The following TAFA5 variants were observed in gnomAD, a reference collection of about 807,000 sequenced individuals.
TAFA5 encodes the protein TAFA chemokine like family member 5.
TAFA5 carries 6 observed loss-of-function variants against 15.3 expected under a neutral mutation model. The ratio of observed to expected loss-of-function variants is 0.39; its 90% CI spans 0.21 to 0.77. The LOEUF is 0.77. Ranked by LOEUF, TAFA5 falls within the 30% of genes least tolerant of loss-of-function variation. The pLI is 0.41. For synonymous variants in TAFA5, 103 were observed against 80.7 expected, an observed-to-expected ratio of 1.28 and a Z score of -1.48; for missense variants, 161 against 193.1, an observed-to-expected ratio of 0.83 and a Z score of 0.98.
At chr22:48,647,957 G>A (rs1167426253) in intron 2 of TAFA5, among the ~76,000 whole-genome samples, 2 of 152,156 alleles carry the variant, frequency 1.3e-5, no homozygotes, top group African/African-American at 4.8e-5. Flanking sequence ...GGTTGCCCTC[G>A]AGCTGCGGCC....
chr22:48,517,456 A>G (rs1322061475), intron 1 of TAFA5, among the ~76,000 whole-genome samples: 4 of 151,976 alleles, frequency 2.6e-5, no homozygotes, highest in African/African-American at 7.2e-5. Context: ...TGCCTCTGCT[A>G]TCCTTCCTCA....
intron 2 of TAFA5, among the ~76,000 whole-genome samples, chr22:48,687,089 G>A (rs1928385335): frequency 1.3e-5 from 2 of 151,608 alleles, no homozygotes; most frequent in African/African-American, 2.4e-5. Flanking sequence ...ATGGATGGAT[G>A]GATAGATGGT....
At chr22:48,718,904 G>GC (rs1250787152) in intron 3 of TAFA5, among the ~76,000 whole-genome samples, 1 of 152,138 alleles carries the variant, frequency 6.6e-6, no homozygotes, top group Non-Finnish European at 1.5e-5. Context: ...GGTGGCCCCT[G>GC]CCCCCGGCTC....
intron 1 of TAFA5, among the ~76,000 whole-genome samples, chr22:48,562,238 C>T (rs966575155): frequency 8.5e-5 from 13 of 152,050 alleles, no homozygotes; most frequent in African/African-American, 2.7e-4. Context: ...CCCGGGTTCA[C>T]GCCATTCTCC....
intron 3 of TAFA5, among the ~76,000 whole-genome samples, chr22:48,735,010 C>T (rs1170493069): frequency 6.6e-6 from 1 of 152,248 alleles, no homozygotes; most frequent in African/African-American, 2.4e-5. Context: ...ATTGTAAACT[C>T]AATCGGAGAA....
chr22:48,645,617 G>A (rs1426798434), intron 1 of TAFA5, among the ~76,000 whole-genome samples: 15 of 152,114 alleles, frequency 9.9e-5, no homozygotes, highest in Admixed American at 7.9e-4. Context: ...GTGCCCTGTG[G>A]GGTATCTGTA....
chr22:48,643,184 A>C (rs1470198407), intron 1 of TAFA5, among the ~76,000 whole-genome samples: 1 of 152,204 alleles, frequency 6.6e-6, no homozygotes, highest in Non-Finnish European at 1.5e-5. Flanking sequence ...TGGATCTCAG[A>C]TGCACGGCCT....
chr22:48,586,285 C>T (rs1203013028), intron 1 of TAFA5, among the ~76,000 whole-genome samples: 5 of 152,246 alleles, frequency 3.3e-5, no homozygotes, highest in Admixed American at 6.5e-5. Flanking sequence ...GCATTGCACA[C>T]GCACCTCCTG....
chr22:48,604,616 C>T (rs1296596115), intron 1 of TAFA5, among the ~76,000 whole-genome samples: 2 of 152,208 alleles, frequency 1.3e-5, no homozygotes, highest in South Asian at 2.1e-4. Flanking sequence ...GCTTTGTTTT[C>T]GAAATTTCTC....
chr22:48,663,980 G>GA (rs1927530478), intron 2 of TAFA5, among the ~76,000 whole-genome samples: 1 of 152,132 alleles, frequency 6.6e-6, no homozygotes, highest in South Asian at 2.1e-4. Context: ...ATAAGGAAAG[G>GA]AAAAAAATCA....
intron 1 of TAFA5, among the ~76,000 whole-genome samples, chr22:48,595,894 G>A (rs1924748361): frequency 6.6e-6 from 1 of 152,260 alleles, no homozygotes; most frequent in African/African-American, 2.4e-5. Flanking sequence ...AAAACAATCT[G>A]TAAGTATGAT....
intron 1 of TAFA5, among the ~76,000 whole-genome samples, chr22:48,599,339 C>T (rs1312835592): frequency 6.6e-6 from 1 of 152,226 alleles, no homozygotes; most frequent in Non-Finnish European, 1.5e-5. Context: ...ACACTTTCCA[C>T]TCTGGAGATG....
At chr22:48,626,655 C>G (rs1393905689) in intron 1 of TAFA5, among the ~76,000 whole-genome samples, 3 of 152,198 alleles carry the variant, frequency 2.0e-5, no homozygotes, top group Non-Finnish European at 4.4e-5. Flanking sequence ...ATCCTCTTCA[C>G]AGTGTCTTTG....
intron 2 of TAFA5, among the ~76,000 whole-genome samples, chr22:48,699,513 T>C (rs1429304427): frequency 6.6e-6 from 1 of 152,166 alleles, no homozygotes; most frequent in Non-Finnish European, 1.5e-5. Flanking sequence ...GCTCTCCGTG[T>C]GTATACATTT....
intron 2 of TAFA5, among the ~76,000 whole-genome samples, chr22:48,689,047 A>C (rs1928456339): frequency 6.6e-6 from 1 of 151,616 alleles, no homozygotes; most frequent in East Asian, 1.9e-4. Context: ...CTGCAGTTTA[A>C]CTGCTAAGCA....
intron 1 of TAFA5, among the ~76,000 whole-genome samples, chr22:48,592,554 C>A (rs559191706): frequency 6.6e-6 from 1 of 152,186 alleles, no homozygotes; most frequent in South Asian, 2.1e-4. Flanking sequence ...TGAAGAACCA[C>A]GAAACGGGTG....
intron 3 of TAFA5, among the ~76,000 whole-genome samples, chr22:48,709,796 C>T (rs1206761140): frequency 2.6e-5 from 4 of 152,196 alleles, no homozygotes; most frequent in Non-Finnish European, 5.9e-5. Flanking sequence ...GGTGGATAAG[C>T]AGGTCATCAC....
At chr22:48,720,202 C>T (rs548654585) in intron 3 of TAFA5, among the ~76,000 whole-genome samples, 4 of 151,998 alleles carry the variant, frequency 2.6e-5, no homozygotes, top group Non-Finnish European at 5.9e-5. Flanking sequence ...CAGAAAGTTA[C>T]GTTACGTTGG....
At chr22:48,523,609 T>C (rs1921681089) in intron 1 of TAFA5, among the ~76,000 whole-genome samples, 1 of 152,124 alleles carries the variant, frequency 6.6e-6, no homozygotes, top group Non-Finnish European at 1.5e-5. Context: ...CAGGCCTGCT[T>C]GGGCCAGATC....
Sources: gnomAD v4.1 joint callset for allele counts (sites outside exome capture counted in the v4.1 genomes callset) on GRCh38, gnomAD v4.1.1 for gene constraint, MANE v1.5 for transcripts, NCBI Gene and HGNC (gene_info 2026-07-23, HGNC 2026-07-21) for gene names.